Variants in DCAF6 observed in about 807,000 individuals in gnomAD.
The protein encoded by DCAF6 is DDB1 and CUL4 associated factor 6.
A neutral mutation model predicts 125.1 loss-of-function variants in DCAF6; 54 were observed. That is an observed-to-expected ratio of 0.43 (90% CI 0.35 to 0.54). The LOEUF (loss-of-function observed/expected upper bound fraction) is 0.54, where lower values mean the gene tolerates loss of function less well. Among genes scored for constraint, DCAF6 ranks in the 20% least tolerant of loss-of-function variants. The probability of loss-of-function intolerance (pLI) is 0.01; values close to 1 mark genes in which losing one functional copy is unlikely to be tolerated. For missense variants in DCAF6, 934 were observed against 1,161.7 expected, an observed-to-expected ratio of 0.80 and a Z score of 2.85; for synonymous variants, 371 against 390.4, an observed-to-expected ratio of 0.95 and a Z score of 0.58.
chr1:167,872,021 TAATAAAAAATAAATA>T, the DCAF6 span, among the ~76,000 whole-genome samples: 33 of 151,862 alleles, frequency 2.2e-4, no homozygotes, highest in Non-Finnish European at 4.0e-4. Flanking sequence ...TAAAGTATAA[TAATAAAAAATAAATA>T]AATAAAAAAT....
chr1:167,923,281 T>C, the DCAF6 span, among the ~76,000 whole-genome samples: 1 of 152,014 alleles, frequency 6.6e-6, no homozygotes, highest in African/African-American at 2.4e-5. Flanking sequence ...ACAGCAAAAA[T>C]GTGGAAGCAA....
rs536839528 is a variant in DCAF6, at chr1:167,977,193, C to T, written c.438+2178C>T. On this transcript the variant is annotated intron_variant, in intron 4 of 21. Transcript: ENST00000367840. The stretch of plus-strand genomic sequence containing the variant: ...CTCTGGGATTACAGGCATGAACCAC[C>T]GTGCCTGGGCCACAGTTTTTTTTTT... Among the ~76,000 whole-genome samples the T allele has an allele frequency of 1.9e-4, 29 of 149,292 alleles. No individual in the cohort carries two copies. The South Asian group carries it at 4.6e-3, about 24-fold the overall frequency.
At chr1:167,880,764 A>G in the DCAF6 span, among the ~76,000 whole-genome samples, 3 of 152,196 alleles carry the variant, frequency 2.0e-5, no homozygotes, top group African/African-American at 7.2e-5. Flanking sequence ...AGTACACTTC[A>G]AACACTTCTA....
At chr1:168,059,200 T>C (rs939055512) in intron 17 of DCAF6, among the ~76,000 whole-genome samples, 1 of 152,230 alleles carries the variant, frequency 6.6e-6, no homozygotes, top group Admixed American at 6.5e-5. Flanking sequence ...CTGATTTTTG[T>C]TTATGATGTA....
intron 4 of DCAF6, among the ~76,000 whole-genome samples, chr1:167,978,128 A>T (rs1376081507): frequency 6.6e-6 from 1 of 152,208 alleles, no homozygotes; most frequent in Non-Finnish European, 1.5e-5. Flanking sequence ...CCATTATATG[A>T]ATATACCACA....
chr1:168,008,383 G>C (rs909220571), intron 10 of DCAF6, among the ~76,000 whole-genome samples: 1 of 152,106 alleles, frequency 6.6e-6, no homozygotes, highest in East Asian at 1.9e-4. Context: ...AATAACCTGT[G>C]AGTTTTTCTT....
intron 17 of DCAF6, among the ~76,000 whole-genome samples, chr1:168,063,013 G>A: frequency 6.6e-6 from 1 of 151,242 alleles, no homozygotes; most frequent in Non-Finnish European, 1.5e-5. Flanking sequence ...CCGGGTTCAT[G>A]CCATTCTCCT....
At chr1:167,954,001 T>C (rs1452560238) in intron 2 of DCAF6, among the ~76,000 whole-genome samples, 1 of 152,150 alleles carries the variant, frequency 6.6e-6, no homozygotes. Flanking sequence ...ATTTTCACTC[T>C]GTAGTTTTTT....
At chr1:167,865,658 T>A in the DCAF6 span, among the ~76,000 whole-genome samples, 550 of 152,336 alleles carry the variant, frequency 3.6e-3, 2 homozygotes, top group African/African-American at 0.013. Flanking sequence ...AAGGAAACAT[T>A]CATTTTACTA....
intron 17 of DCAF6, among the ~76,000 whole-genome samples, chr1:168,057,544 G>C (rs774947619): frequency 5.9e-5 from 9 of 152,000 alleles, no homozygotes; most frequent in Non-Finnish European, 1.0e-4. Flanking sequence ...TTATTGCTTT[G>C]AAATTGCTGG....
intron 20 of DCAF6, 141 bp from the exon 21 acceptor site, chr1:168,068,217 G>GC: frequency 2.1e-6 from 1 of 471,994 alleles, no homozygotes; most frequent in Non-Finnish European, 3.9e-6. Context: ...ATAGACTTAA[G>GC]GCAGAAATAT....
intron 12 of DCAF6, among the ~76,000 whole-genome samples, chr1:168,030,737 T>C (rs1232057116): frequency 6.6e-6 from 1 of 152,226 alleles, no homozygotes; most frequent in Non-Finnish European, 1.5e-5. Context: ...TAGTAATAAA[T>C]AGCAGTCTGC....
intron 2 of DCAF6, among the ~76,000 whole-genome samples, chr1:167,953,668 T>A (rs1299875342): frequency 6.6e-6 from 1 of 152,144 alleles, no homozygotes; most frequent in Non-Finnish European, 1.5e-5. Context: ...GGTGCAATCT[T>A]GGCTCACTGC....
intron 15 of DCAF6, 32 bp downstream of exon 15, chr1:168,044,703 A>G: frequency 6.4e-7 from 1 of 1,552,902 alleles, no homozygotes; most frequent in Non-Finnish European, 8.9e-7. Context: ...ATTGCTTTGT[A>G]TGGGAAAATA....
intron 7 of DCAF6, among the ~76,000 whole-genome samples, chr1:167,995,586 A>G (rs1441641968): frequency 6.6e-6 from 1 of 151,812 alleles, no homozygotes; most frequent in South Asian, 2.1e-4. Context: ...AGGTTGAGGC[A>G]GGAGAATTGC....
At chr1:167,869,887 C>T in the DCAF6 span, among the ~76,000 whole-genome samples, 2 of 152,084 alleles carry the variant, frequency 1.3e-5, no homozygotes, top group African/African-American at 2.4e-5. Context: ...GTTTTGTCTG[C>T]AGCTGGTCCT....
chr1:168,001,405 G>T (rs967298878), intron 7 of DCAF6, among the ~76,000 whole-genome samples: 1 of 152,120 alleles, frequency 6.6e-6, no homozygotes, highest in Non-Finnish European at 1.5e-5. Context: ...ATTGATTATT[G>T]ATCATATTAT....
Position 167,980,324 on chromosome 1 carries a change from C to T in DCAF6, c.438+5309C>T, listed in dbSNP as rs564077584. Among the ~76,000 whole-genome samples the T allele has an allele frequency of 5.9e-5, 9 of 152,258 alleles. No individual in the cohort carries two copies. In the East Asian group the frequency reaches 1.2e-3, roughly 20 times the overall value. ...TTCAAGATCCCGTTTCCAGTTTTTT[C>T]GGATCTGTACCCAGAAGTAGAGATT... On this transcript the variant is annotated intron_variant, in intron 4 of 21. Coordinates refer to ENST00000367840, the MANE Select transcript of DCAF6 (RefSeq NM_001198956.2).
intron 4 of DCAF6, among the ~76,000 whole-genome samples, chr1:167,984,356 C>T (rs1446128556): frequency 1.3e-5 from 2 of 152,088 alleles, no homozygotes; most frequent in Non-Finnish European, 2.9e-5. Flanking sequence ...CTTATAAAGG[C>T]ATTAATTATA....
Sources: gnomAD v4.1 joint callset for allele counts (sites outside exome capture counted in the v4.1 genomes callset) on GRCh38, gnomAD v4.1.1 for gene constraint, MANE v1.5 for transcripts, NCBI Gene and HGNC (gene_info 2026-07-23, HGNC 2026-07-21) for gene names.